PRKD3: variants seen among roughly 807,000 people sequenced by gnomAD.
PRKD3 encodes serine/threonine-protein kinase D3.
A neutral mutation model predicts 99.2 loss-of-function variants in PRKD3; 47 were observed. The ratio of observed to expected loss-of-function variants is 0.47; its 90% CI spans 0.38 to 0.60. The LOEUF (loss-of-function observed/expected upper bound fraction) is 0.60. Among genes scored for constraint, PRKD3 ranks in the 20% least tolerant of loss-of-function variants. PRKD3 has a pLI of 0.00. For synonymous variants in PRKD3, 392 were observed against 355.4 expected, an observed-to-expected ratio of 1.10 and a Z score of -1.16; for missense variants, 1,019 against 1,088.4, an observed-to-expected ratio of 0.94 and a Z score of 0.90.
At chr2:37,298,954 G>A (rs1016177318) in intron 2 of PRKD3, among the ~76,000 whole-genome samples, 1 of 151,964 alleles carries the variant, frequency 6.6e-6, no homozygotes, top group Non-Finnish European at 1.5e-5. Flanking sequence ...AAGACTTCCA[G>A]TATTATGTTG....
At position 37,277,863 on chromosome 2, in the gene PRKD3, G is replaced by A. The variant is rs374598745; in HGVS notation, c.1296+3C>T. On this transcript the variant is annotated splice_donor_region_variant and intron_variant, in intron 9 of 18. Transcript: ENST00000234179. ...GCATATTCAAATGTATTTGATTACT[G>A]ACCAGGTTATCCCTGCTGGTGTAAT... The A allele has an allele frequency of 4.4e-5, 71 of 1,611,036 alleles. No individual in the cohort carries two copies. The African/African-American group carries it at 8.7e-4, about 20-fold the overall frequency.
intron 18 of PRKD3, among the ~76,000 whole-genome samples, 157 bp downstream of exon 18, chr2:37,254,047 T>C (rs1234913361): frequency 6.6e-6 from 1 of 152,240 alleles, no homozygotes; most frequent in African/African-American, 2.4e-5. Flanking sequence ...CCGATCTGAA[T>C]GCTGTATGGT....
At chr2:37,287,214 G>T (rs1222907374) in intron 5 of PRKD3, among the ~76,000 whole-genome samples, 1 of 94,272 alleles carries the variant, frequency 1.1e-5, no homozygotes, top group African/African-American at 4.1e-5. Flanking sequence ...TGGGCAACAA[G>T]AGCGAAACTC....
At position 37,271,789 on chromosome 2, in the gene PRKD3, A is replaced by G. The variant is rs529729102; in HGVS notation, c.1704+591T>C. On this transcript the variant is annotated intron_variant, in intron 12 of 18. Coordinates refer to ENST00000234179, the MANE Select transcript of PRKD3 (RefSeq NM_005813.6). Reference sequence around the variant, plus strand: ...CTCCGTGGAAAAACTCTTCCACAAAACCAGTCCCTGGTGCCAAAAAGGTTA... The same window carrying G: ...CTCCGTGGAAAAACTCTTCCACAAAGCCAGTCCCTGGTGCCAAAAAGGTTA... Among the ~76,000 whole-genome samples the G allele has an allele frequency of 6.9e-4, 105 of 152,310 alleles. No homozygotes were observed. The South Asian group carries it at 0.02, about 29-fold the overall frequency.
At chr2:37,319,725 T>C (rs753610248) in intron 1 of PRKD3, among the ~76,000 whole-genome samples, 6 of 151,412 alleles carry the variant, frequency 4.0e-5, no homozygotes, top group Non-Finnish European at 8.8e-5. Context: ...TGTTTATATC[T>C]ATGGTCAACA....
At chr2:37,292,816 T>G in intron 3 of PRKD3, among the ~76,000 whole-genome samples, 1 of 151,958 alleles carries the variant, frequency 6.6e-6, no homozygotes, top group East Asian at 1.9e-4. Context: ...TGGCTAATTT[T>G]TTTTTTTTAA....
At chr2:37,304,390 GGACTT>G (rs1671068934) in intron 2 of PRKD3, among the ~76,000 whole-genome samples, 2 of 152,102 alleles carry the variant, frequency 1.3e-5, no homozygotes, top group Admixed American at 6.5e-5. Context: ...GACTCAACAT[GGACTT>G]GAATTTATTA....
In PRKD3 at chr2:37,274,405, G is replaced by A. The variant is rs1450437706; in HGVS notation, c.1651+16C>T. ...ATTAAAGAGGAGAAAAAGCCATCAA[G>A]AAGTTTATTGCTTACTGTGATCTTT... On this transcript the variant is annotated intron_variant, in intron 11 of 18. Transcript: ENST00000234179. 1.9e-6 allele frequency: 3 copies of A among 1,612,210 alleles called. No homozygotes were observed. The highest frequency in any genetic ancestry group is 2.5e-6 in the Non-Finnish European group (3 of 1,178,814).
At position 37,317,405 on chromosome 2, in the gene PRKD3, C is replaced by A. The variant is rs530942311; in HGVS notation, c.-655-226G>T. On this transcript the variant is annotated intron_variant, in intron 1 of 18. Transcript: ENST00000234179. ...ATATCCTTGGCACTCTACACTGATA[C>A]CTAAAACTTAAACATTAAACATTTT... Among the ~76,000 whole-genome samples the A allele has an allele frequency of 7.3e-5, 11 of 151,478 alleles. No homozygotes were observed. In the South Asian group the frequency reaches 2.3e-3, roughly 31 times the overall value.
At position 37,279,830 on chromosome 2, in the gene PRKD3, G is replaced by A; in HGVS notation, c.1088C>T (p.Pro363Leu). 1 of 1,613,602 alleles carries A rather than the reference G, an allele frequency of 6.2e-7. No homozygotes were observed. The highest frequency in any genetic ancestry group is 8.5e-7 in the Non-Finnish European group (1 of 1,179,818). ...SSRGLDDTEE[P>L]SPPEDKMFFL... ...GAACATCTTATCTTCTGGGGGTGATGGCTCTTCTGTGTCATCCAAACCCCG... is the reference window on the plus strand; with the variant it reads ...GAACATCTTATCTTCTGGGGGTGATAGCTCTTCTGTGTCATCCAAACCCCG... The change falls in exon 8 of 19, where the codon CCA (proline) becomes CTA (leucine). Residue 363 changes from proline to leucine, a missense_variant. Physicochemically the swap from Pro to Leu is moderately conservative, Grantham distance 98. This residue lies in a region of PRKD3 where 710 missense variants were observed against 692.7 expected (regional missense o/e 1.02). Coordinates refer to ENST00000234179, the MANE Select transcript of PRKD3 (RefSeq NM_005813.6).
intron 13 of PRKD3, chr2:37,268,403 G>T (rs1365884320): frequency 2.1e-6 from 1 of 467,118 alleles, no homozygotes; most frequent in Non-Finnish European, 4.4e-6. Flanking sequence ...TATTATATAT[G>T]CATGCAGAGT....
chr2:37,255,111 A>G (rs1195389518), intron 17 of PRKD3, among the ~76,000 whole-genome samples: 1 of 152,236 alleles, frequency 6.6e-6, no homozygotes, highest in South Asian at 2.1e-4. Flanking sequence ...TGATTCTGAT[A>G]GAAGAGGTCT....
chr2:37,302,992 T>C (rs1300060773), intron 2 of PRKD3, among the ~76,000 whole-genome samples: 2 of 152,194 alleles, frequency 1.3e-5, no homozygotes, highest in African/African-American at 4.8e-5. Flanking sequence ...ACCAATCGAA[T>C]GTTGCCTTTT....
At chr2:37,302,834 G>C (rs1442155441) in intron 2 of PRKD3, among the ~76,000 whole-genome samples, 1 of 152,022 alleles carries the variant, frequency 6.6e-6, no homozygotes, top group Non-Finnish European at 1.5e-5. Context: ...GATAGAGACA[G>C]AAGGCAGAGA....
intron 8 of PRKD3, chr2:37,279,473 C>A (rs1669731244): frequency 4.5e-6 from 1 of 220,426 alleles, no homozygotes; most frequent in Admixed American, 5.7e-5. Flanking sequence ...GGTTTTACAT[C>A]TAGACCACAC....
At chr2:37,260,495 T>TAAACAAAGC (rs1466656609) in intron 14 of PRKD3, 111 bp from the exon 15 acceptor site, 1 of 973,456 alleles carries the variant, frequency 1.0e-6, no homozygotes, top group African/African-American at 1.7e-5. Flanking sequence ...CCTAGAGAAG[T>TAAACAAAGC]AAACAAAGCA....
chr2:37,274,730 A>G (rs1431602419), intron 10 of PRKD3, 33 bp from the exon 11 acceptor site: 4 of 1,575,126 alleles, frequency 2.5e-6, no homozygotes, highest in Non-Finnish European at 3.5e-6. Flanking sequence ...GAAAAATAAG[A>G]ATAGATCTTT....
intron 2 of PRKD3, among the ~76,000 whole-genome samples, chr2:37,295,567 T>G (rs1670640896): frequency 6.6e-6 from 1 of 152,220 alleles, no homozygotes; most frequent in Non-Finnish European, 1.5e-5. Context: ...GTTATTATGT[T>G]CAAACTTTGC....
chr2:37,311,993 G>A (rs767999980), intron 2 of PRKD3, among the ~76,000 whole-genome samples: 2 of 152,178 alleles, frequency 1.3e-5, no homozygotes, highest in Non-Finnish European at 2.9e-5. Flanking sequence ...TACATGCATC[G>A]AGTTTGTAAA....
Sources: allele counts gnomAD v4.1 joint callset (sites outside exome capture counted in the v4.1 genomes callset), GRCh38; gene constraint gnomAD v4.1.1; regional missense constraint gnomAD v4.1.1; transcripts MANE v1.5; gene names NCBI Gene and HGNC (gene_info 2026-07-23, HGNC 2026-07-21).